The following MLLT3 variants were observed in gnomAD, a reference collection of about 807,000 sequenced individuals.
The protein encoded by MLLT3 is protein AF-9.
A neutral mutation model predicts 53.2 loss-of-function variants in MLLT3; 4 were observed. The observed-to-expected ratio is 0.08, with a 90% CI of 0.04 to 0.17. The LOEUF is 0.17. MLLT3 is among the 10% of genes least tolerant of loss of function. MLLT3 has a pLI of 1.00. For synonymous variants in MLLT3, 283 were observed against 230.6 expected, an observed-to-expected ratio of 1.23 and a Z score of -2.06; for missense variants, 569 against 684.0, an observed-to-expected ratio of 0.83 and a Z score of 1.87.
rs1822806746 is a variant in MLLT3, at chr9:20,414,274, G to GTACTACTGC, written c.563_571dup (p.Ser188_Ser190dup). 1 of 1,609,724 alleles carries GTACTACTGC rather than the reference G, an allele frequency of 6.2e-7. No homozygotes were observed. The highest frequency in any genetic ancestry group is 1.1e-5 in the South Asian group (1 of 90,522). On this transcript the variant is annotated inframe_insertion, in exon 5 of 11. Transcript: ENST00000380338. ...TAATTTGTGAGGCTTTGAAAAACTG[G>GTACTACTGC]TACTACTGCTGCTGCTGCTGCTGCT...
intron 2 of MLLT3, among the ~76,000 whole-genome samples, chr9:20,617,953 C>T (rs1820877574): frequency 6.6e-6 from 1 of 152,150 alleles, no homozygotes; most frequent in African/African-American, 2.4e-5. Context: ...AGGAAATCAA[C>T]CTGAAAATCA....
At chr9:20,424,316 G>A (rs550089838) in intron 4 of MLLT3, among the ~76,000 whole-genome samples, 4 of 152,172 alleles carry the variant, frequency 2.6e-5, no homozygotes, top group African/African-American at 9.6e-5. Flanking sequence ...GTGTTCAGAG[G>A]GCTCTTGTGA....
chr9:20,589,937 C>G (rs1462264875), intron 2 of MLLT3, among the ~76,000 whole-genome samples: 1 of 152,116 alleles, frequency 6.6e-6, no homozygotes, highest in Non-Finnish European at 1.5e-5. Flanking sequence ...CCTCGAACTC[C>G]TGACCTCGTG....
intron 2 of MLLT3, among the ~76,000 whole-genome samples, chr9:20,519,188 A>G (rs1817993975): frequency 6.6e-6 from 1 of 152,246 alleles, no homozygotes; most frequent in Non-Finnish European, 1.5e-5. Flanking sequence ...AAAAAAAGAT[A>G]TTAGTAGAAA....
At chr9:20,557,346 A>G (rs1276485878) in intron 2 of MLLT3, among the ~76,000 whole-genome samples, 1 of 152,096 alleles carries the variant, frequency 6.6e-6, no homozygotes, top group Non-Finnish European at 1.5e-5. Context: ...AGTTTAAGCC[A>G]ATTAATCTCT....
At chr9:20,440,558 C>T (rs926170672) in intron 4 of MLLT3, among the ~76,000 whole-genome samples, 1 of 152,104 alleles carries the variant, frequency 6.6e-6, no homozygotes, top group African/African-American at 2.4e-5. Flanking sequence ...CTGGTGGGGA[C>T]AGTCAAAATA....
At chr9:20,529,290 G>C (rs935308842) in intron 2 of MLLT3, among the ~76,000 whole-genome samples, 3 of 152,034 alleles carry the variant, frequency 2.0e-5, no homozygotes, top group African/African-American at 4.8e-5. Flanking sequence ...AACTGTTTTT[G>C]GTTTGTTTTT....
rs1305563741 is a variant in MLLT3, at chr9:20,456,099, C to T, written c.276+605G>A. On this transcript the variant is annotated intron_variant, in intron 3 of 10. Transcript: ENST00000380338. ...AATTACAGGCATCCACCACCATACT[C>T]GGCTAATTTTTGTATTTTTAGTAGA... Among the ~76,000 whole-genome samples the T allele has an allele frequency of 3.9e-5, 6 of 152,086 alleles. No individual in the cohort carries two copies. In the South Asian group the frequency reaches 8.3e-4, roughly 21 times the overall value.
intron 2 of MLLT3, among the ~76,000 whole-genome samples, chr9:20,526,844 A>G (rs1818216261): frequency 6.6e-6 from 1 of 152,164 alleles, no homozygotes; most frequent in Non-Finnish European, 1.5e-5. Flanking sequence ...GTGGTGGTGT[A>G]GTGAAATCAC....
At position 20,517,768 on chromosome 9, in the gene MLLT3, C is replaced by T. The variant is rs562104830; in HGVS notation, c.194-60982G>A. 2.0e-3 allele frequency among the ~76,000 whole-genome samples: 297 copies of T among 151,714 alleles called. 1 individual carries two copies. Among genetic ancestry groups the T allele is most frequent in the Admixed American group, 1.8e-3 (28 of 15,236 alleles). On this transcript the variant is annotated intron_variant, in intron 2 of 10. Coordinates refer to ENST00000380338, the MANE Select transcript of MLLT3 (RefSeq NM_004529.4). ...AGAAAAATTGCTTGAACCTGGAAGA[C>T]GGAGGTTGCAGTGAAGCCAAGATCC...
chr9:20,365,594 C>T lies in MLLT3; in HGVS notation c.1201+75G>A. 4 of 1,523,632 alleles carry T rather than the reference C, an allele frequency of 2.6e-6. No individual in the cohort carries two copies. In the South Asian group the frequency reaches 3.4e-5, roughly 13 times the overall value. The allele number at this position is 1,523,632 out of a possible 1,614,324, so 94.4% of individuals were successfully genotyped here. On this transcript the variant is annotated intron_variant, in intron 6 of 10. Coordinates refer to ENST00000380338, the MANE Select transcript of MLLT3 (RefSeq NM_004529.4). The stretch of plus-strand genomic sequence containing the variant: ...TGATCTCCTGACCTCTTGATCCACC[C>T]GTGTCAGCCTCCCAAAGTGCCATTA...
At chr9:20,373,626 G>A (rs1010010905) in intron 5 of MLLT3, among the ~76,000 whole-genome samples, 5 of 152,162 alleles carry the variant, frequency 3.3e-5, no homozygotes, top group Admixed American at 3.3e-4. Context: ...ATAGTGAAAA[G>A]GGAAAGAGTA....
At chr9:20,379,323 C>T (rs1001185919) in intron 5 of MLLT3, among the ~76,000 whole-genome samples, 2 of 152,040 alleles carry the variant, frequency 1.3e-5, no homozygotes, top group East Asian at 3.9e-4. Context: ...AGTCCCATCT[C>T]TAAAACATAC....
At chr9:20,442,943 C>A (rs1823591632) in intron 4 of MLLT3, among the ~76,000 whole-genome samples, 1 of 152,108 alleles carries the variant, frequency 6.6e-6, no homozygotes, top group South Asian at 2.1e-4. Flanking sequence ...CAGGTGGTGT[C>A]TGAACAGAAT....
At chr9:20,574,065 G>C (rs1819595380) in intron 2 of MLLT3, among the ~76,000 whole-genome samples, 1 of 152,036 alleles carries the variant, frequency 6.6e-6, no homozygotes, top group African/African-American at 2.4e-5. Flanking sequence ...TCACCTATAG[G>C]GCTTGTTAAA....
chr9:20,391,490 C>T (rs1319380612), intron 5 of MLLT3, among the ~76,000 whole-genome samples: 1 of 152,084 alleles, frequency 6.6e-6, no homozygotes, highest in Non-Finnish European at 1.5e-5. Context: ...CCAGAAAGCC[C>T]TCAAGCTAGA....
At chr9:20,356,775 T>A (rs1314574656) in intron 8 of MLLT3, among the ~76,000 whole-genome samples, 4 of 152,220 alleles carry the variant, frequency 2.6e-5, no homozygotes, top group South Asian at 2.1e-4. Context: ...AATAGAACAT[T>A]TGGACGCTGA....
At chr9:20,411,504 G>A (rs1782030769) in intron 5 of MLLT3, among the ~76,000 whole-genome samples, 1 of 152,172 alleles carries the variant, frequency 6.6e-6, no homozygotes, top group South Asian at 2.1e-4. Flanking sequence ...ACGGCTGTTG[G>A]GTTTTATACA....
intron 2 of MLLT3, among the ~76,000 whole-genome samples, chr9:20,488,855 C>T (rs1234345540): frequency 2.0e-5 from 3 of 152,160 alleles, no homozygotes. Context: ...CAGATTTAGA[C>T]AGAAAGGCAT....
Sources: gnomAD v4.1 joint callset for allele counts (sites outside exome capture counted in the v4.1 genomes callset) on GRCh38, gnomAD v4.1.1 for gene constraint, MANE v1.5 for transcripts, NCBI Gene and HGNC (gene_info 2026-07-23, HGNC 2026-07-21) for gene names.